The following PARD3B variants were observed in gnomAD, a reference collection of about 807,000 sequenced individuals.
The protein encoded by PARD3B is partitioning defective 3 homolog B.
In PARD3B, 103 loss-of-function variants were observed where a neutral mutation model predicts 130.2. The ratio of observed to expected loss-of-function variants is 0.79; its 90% CI spans 0.67 to 0.93. The LOEUF (loss-of-function observed/expected upper bound fraction) is 0.93. Ranked by LOEUF, PARD3B falls within the 40% of genes least tolerant of loss-of-function variation. The probability of loss-of-function intolerance (pLI) is 0.00; values close to 1 mark genes in which losing one functional copy is unlikely to be tolerated. For missense variants in PARD3B, 1,609 were observed against 1,499.2 expected, an observed-to-expected ratio of 1.07 and a Z score of -1.21; for synonymous variants, 583 against 553.2, an observed-to-expected ratio of 1.05 and a Z score of -0.76.
intron 1 of PARD3B, among the ~76,000 whole-genome samples, chr2:204,628,398 C>T (rs2034560466): frequency 6.6e-6 from 1 of 151,928 alleles, no homozygotes; most frequent in Non-Finnish European, 1.5e-5. Context: ...TTTGCTAAAG[C>T]TGCTTAAACA....
intron 2 of PARD3B, among the ~76,000 whole-genome samples, chr2:204,810,019 T>C (rs2042910236): frequency 6.6e-6 from 1 of 152,196 alleles, no homozygotes; most frequent in Non-Finnish European, 1.5e-5. Flanking sequence ...GCAATTGCTT[T>C]ACTGATTTGG....
intron 15 of PARD3B, among the ~76,000 whole-genome samples, chr2:205,214,593 C>A (rs1478107438): frequency 6.6e-6 from 1 of 151,798 alleles, no homozygotes; most frequent in Non-Finnish European, 1.5e-5. Flanking sequence ...CCCAATGTAG[C>A]TTCATAATTT....
In PARD3B at chr2:205,021,644, CTCTCTCTA is replaced by C. The variant is rs757599672; in HGVS notation, c.395-25935_395-25928del. Among the ~76,000 whole-genome samples the C allele has an allele frequency of 1.1e-3, 129 of 119,118 alleles. 1 individual carries two copies. The highest frequency in any genetic ancestry group is 4.0e-3 in the Middle Eastern group (1 of 250). 78.1% of individuals were successfully genotyped at this position (119,118 alleles called of 152,430 possible). ...TCCCTCTCTCTTTCTCTCTCTCTCT[CTCTCTCTA>C]TATATATATATATAGTTAATCTTTT... is the stretch of plus-strand genomic sequence containing the variant. On this transcript the variant is annotated intron_variant, in intron 3 of 22. Coordinates refer to ENST00000406610, the MANE Select transcript of PARD3B (RefSeq NM_001302769.2). This position sits in a 1 kb window ranked among gnomAD's most constrained non-coding sequence, Gnocchi z 4.5.
intron 19 of PARD3B, among the ~76,000 whole-genome samples, chr2:205,406,661 T>TC (rs1226652722): frequency 8.8e-5 from 10 of 113,520 alleles, no homozygotes; most frequent in African/African-American, 4.7e-4. Flanking sequence ...TTGTGTATCT[T>TC]TTTTTTTTTT....
chr2:205,264,629 G>A (rs1253805373), intron 16 of PARD3B, among the ~76,000 whole-genome samples: 1 of 150,986 alleles, frequency 6.6e-6, no homozygotes, highest in South Asian at 2.1e-4. Context: ...ATAATCTTAT[G>A]ATTTCTTTTA....
chr2:205,173,461 T>C (rs1296538691), intron 12 of PARD3B, among the ~76,000 whole-genome samples: 2 of 152,220 alleles, frequency 1.3e-5, no homozygotes, highest in Non-Finnish European at 2.9e-5. Flanking sequence ...TATCCCTTAA[T>C]GTGTCCTTGG....
At position 205,561,174 on chromosome 2, in the gene PARD3B, C is replaced by T. The variant is rs541595519; in HGVS notation, c.3260+7771C>T. ...CTCACTTCTTAAAGATGCTCTCCCT[C>T]TCAGATTTCTCTTGTTCTCTTCTAC... On this transcript the variant is annotated intron_variant, in intron 22 of 22. Transcript: ENST00000406610. Among the ~76,000 whole-genome samples, 4 of 152,296 alleles carry T rather than the reference C, an allele frequency of 2.6e-5. No homozygotes were observed. The East Asian group carries it at 7.7e-4, about 29-fold the overall frequency.
At chr2:204,886,642 A>G (rs916109340) in intron 2 of PARD3B, among the ~76,000 whole-genome samples, 1 of 152,234 alleles carries the variant, frequency 6.6e-6, no homozygotes, top group Non-Finnish European at 1.5e-5. Flanking sequence ...TATAGAAATT[A>G]AAAATATTTG....
intron 18 of PARD3B, among the ~76,000 whole-genome samples, chr2:205,367,254 G>A (rs1417877150): frequency 6.6e-6 from 1 of 152,154 alleles, no homozygotes; most frequent in Non-Finnish European, 1.5e-5. Context: ...GTCCAGAGAA[G>A]AGAAAGCTAA....
chr2:204,969,679 CT>C (rs921811685), intron 3 of PARD3B, among the ~76,000 whole-genome samples: 1 of 152,148 alleles, frequency 6.6e-6, no homozygotes, highest in African/African-American at 2.4e-5. Context: ...AGTTGCATGA[CT>C]TTTTAAAAAT....
At chr2:205,166,525 T>C (rs1444327322) in intron 11 of PARD3B, among the ~76,000 whole-genome samples, 1 of 152,224 alleles carries the variant, frequency 6.6e-6, no homozygotes, top group Non-Finnish European at 1.5e-5. Flanking sequence ...AGTAGCTTTT[T>C]TGTTTTAACA....
intron 18 of PARD3B, among the ~76,000 whole-genome samples, chr2:205,329,643 A>C (rs574845790): frequency 6.6e-6 from 1 of 152,188 alleles, no homozygotes; most frequent in Non-Finnish European, 1.5e-5. Flanking sequence ...AGAAGGAATT[A>C]AGGGCCCTCC....
chr2:205,083,627 G>A (rs1422281781), intron 4 of PARD3B, among the ~76,000 whole-genome samples: 20 of 147,474 alleles, frequency 1.4e-4, no homozygotes, highest in South Asian at 8.7e-4. Context: ...TTTATTTTTT[G>A]AGGAAACAAT....
intron 4 of PARD3B, among the ~76,000 whole-genome samples, chr2:205,052,674 A>G (rs1699308826): frequency 6.6e-6 from 1 of 151,834 alleles, no homozygotes; most frequent in South Asian, 2.1e-4. Flanking sequence ...ACTAATTCTC[A>G]CAGTGAGCAG....
intron 20 of PARD3B, among the ~76,000 whole-genome samples, chr2:205,496,984 G>A (rs763036265): frequency 2.6e-5 from 4 of 151,902 alleles, no homozygotes; most frequent in Non-Finnish European, 5.9e-5. Context: ...AAGCCTGTGC[G>A]TTGGATACAG....
chr2:204,650,705 G>A (rs543648914), intron 1 of PARD3B, among the ~76,000 whole-genome samples: 17 of 152,192 alleles, frequency 1.1e-4, no homozygotes, highest in South Asian at 2.1e-4. Context: ...GATGACAACT[G>A]TATCAGTCCA....
intron 3 of PARD3B, among the ~76,000 whole-genome samples, chr2:205,016,428 C>T (rs530767828): frequency 7.4e-4 from 113 of 152,160 alleles, no homozygotes; most frequent in Non-Finnish European, 1.5e-3. Context: ...ACTCTCATTC[C>T]CTTCATGAGG....
intron 5 of PARD3B, among the ~76,000 whole-genome samples, chr2:205,108,992 C>G (rs1703432453): frequency 6.6e-6 from 1 of 152,130 alleles, no homozygotes; most frequent in Non-Finnish European, 1.5e-5. Context: ...GAATCTACTA[C>G]TGTAACCCAT....
intron 20 of PARD3B, among the ~76,000 whole-genome samples, chr2:205,481,454 A>G (rs546181817): frequency 1.3e-5 from 2 of 152,284 alleles, no homozygotes; most frequent in South Asian, 2.1e-4. Flanking sequence ...TGAAGGAGTC[A>G]GGAGCGGAGA....
Sources: allele counts gnomAD v4.1 joint callset (sites outside exome capture counted in the v4.1 genomes callset), GRCh38; gene constraint gnomAD v4.1.1; non-coding constraint Gnocchi (gnomAD v3.1); transcripts MANE v1.5; gene names NCBI Gene and HGNC (gene_info 2026-07-23, HGNC 2026-07-21).